The following ALDH18A1 variants were observed in gnomAD, a reference collection of about 807,000 sequenced individuals.
ALDH18A1 encodes delta-1-pyrroline-5-carboxylate synthase.
ALDH18A1 carries 44 observed loss-of-function variants against 88.8 expected under a neutral mutation model. The ratio of observed to expected loss-of-function variants is 0.50; its 90% CI spans 0.39 to 0.64. The LOEUF is 0.64. Ranked by LOEUF, ALDH18A1 falls within the 30% of genes least tolerant of loss-of-function variation. The pLI, the probability that ALDH18A1 is intolerant of heterozygous loss-of-function variation, is 0.00. For synonymous variants in ALDH18A1, 331 were observed against 372.1 expected (o/e 0.89, Z 1.27); for missense variants, 782 against 1,009.5 (o/e 0.77, Z 3.05).
At position 95,628,369 on chromosome 10, in the gene ALDH18A1, T is replaced by C. The variant is rs2097863291; in HGVS notation, c.932A>G (p.Lys311Arg). 1 of 1,614,174 alleles carries C rather than the reference T, an allele frequency of 6.2e-7. No homozygotes were observed. Among genetic ancestry groups the C allele is most frequent in the East Asian group, 2.2e-5 (1 of 44,892 alleles). The stretch of plus-strand genomic sequence containing the variant: ...GCAGTTAAGGCACCAGATTCTTACC[T>C]TGGCTTCCATGCCACCCATTCCCAC... ...SRVGMGGMEAKVKAALWALQG... is the reference protein window; with the variant it reads ...SRVGMGGMEARVKAALWALQG... The change falls in exon 8 of 18, where the codon AAG (lysine) becomes AGG (arginine). Residue 311 changes from lysine to arginine, a missense_variant and splice_region_variant. Physicochemically the swap from Lys to Arg is conservative, Grantham distance 26. Coordinates refer to ENST00000371224, the MANE Select transcript of ALDH18A1 (RefSeq NM_002860.4).
chr10:95,639,678 A>AT (rs542767889), intron 3 of ALDH18A1, among the ~76,000 whole-genome samples: 11 of 150,878 alleles, frequency 7.3e-5, no homozygotes, highest in South Asian at 4.2e-4. Context: ...TATTTTTCCA[A>AT]TTTTTTTTTA....
chr10:95,612,090 A>G (rs1483047528), intron 15 of ALDH18A1, among the ~76,000 whole-genome samples: 1 of 152,234 alleles, frequency 6.6e-6, no homozygotes, highest in Non-Finnish European at 1.5e-5. Flanking sequence ...CAGTTCCTGC[A>G]TATGGTACCT....
rs2097823230 is a variant in ALDH18A1 at position 95,606,633 on chromosome 10, G to A, written c.*129C>T. 6.2e-7 allele frequency: 1 copy of A among 1,602,024 alleles called. No individual in the cohort carries two copies. Among genetic ancestry groups the A allele is most frequent in the Non-Finnish European group, 8.5e-7 (1 of 1,176,582 alleles). The stretch of plus-strand genomic sequence containing the variant: ...TGCTATTGCCAAACGGAGCCCAGAA[G>A]CATCCAGGTACACTTTCCAACAGGC... On this transcript the variant is annotated 3_prime_UTR_variant, in exon 18 of 18. Coordinates refer to ENST00000371224, the MANE Select transcript of ALDH18A1 (RefSeq NM_002860.4).
intron 1 of ALDH18A1, among the ~76,000 whole-genome samples, chr10:95,653,693 T>A (rs551508205): frequency 3.9e-4 from 59 of 152,240 alleles, no homozygotes; most frequent in Middle Eastern, 3.4e-3. Flanking sequence ...CTTCCAAATT[T>A]AAAAAAAATC....
chr10:95,635,059 C>A (rs1356635001), intron 5 of ALDH18A1, among the ~76,000 whole-genome samples: 14 of 152,118 alleles, frequency 9.2e-5, no homozygotes. Flanking sequence ...AAAAATAATT[C>A]ACTCACTCGA....
chr10:95,640,482 C>T (rs2097889411), intron 3 of ALDH18A1, among the ~76,000 whole-genome samples: 1 of 152,102 alleles, frequency 6.6e-6, no homozygotes, highest in Non-Finnish European at 1.5e-5. Flanking sequence ...GCTAGGATTA[C>T]AGGCAGGTGC....
chr10:95,623,757 G>T (rs1047159680), intron 11 of ALDH18A1, among the ~76,000 whole-genome samples: 2 of 152,192 alleles, frequency 1.3e-5, no homozygotes, highest in East Asian at 3.8e-4. Flanking sequence ...TAGAGATGAG[G>T]TTTCTCCATG....
intron 10 of ALDH18A1, among the ~76,000 whole-genome samples, chr10:95,625,816 TAGG>T (rs1230816215): frequency 3.3e-5 from 5 of 151,898 alleles, no homozygotes; most frequent in African/African-American, 9.7e-5. Flanking sequence ...GTATAATCTG[TAGG>T]AGATTATGTA....
chr10:95,614,627 T>C (rs1016796902), intron 13 of ALDH18A1, among the ~76,000 whole-genome samples: 2 of 152,210 alleles, frequency 1.3e-5, no homozygotes, highest in South Asian at 4.1e-4. Context: ...TTGGTCTTGC[T>C]AGGGAGTCAT....
intron 2 of ALDH18A1, among the ~76,000 whole-genome samples, chr10:95,650,248 A>T (rs1252661766): frequency 6.6e-6 from 1 of 152,210 alleles, no homozygotes; most frequent in African/African-American, 2.4e-5. Flanking sequence ...CAAAAGAAAA[A>T]CTTTTCCTAT....
intron 3 of ALDH18A1, among the ~76,000 whole-genome samples, chr10:95,638,644 G>T (rs2097885654): frequency 2.0e-5 from 3 of 152,098 alleles, no homozygotes; most frequent in Non-Finnish European, 4.4e-5. Flanking sequence ...CCTATGGGTT[G>T]CCTCTGCCTA....
At chr10:95,607,009 C>T in intron 17 of ALDH18A1, 66 bp from the exon 18 acceptor site, 1 of 1,521,986 alleles carries the variant, frequency 6.6e-7, no homozygotes, top group South Asian at 1.1e-5. Context: ...ATGCCCCAGA[C>T]CCACCCTGCT....
chr10:95,610,401 G>A, intron 16 of ALDH18A1, 109 bp from the exon 17 acceptor site: 1 of 941,002 alleles, frequency 1.1e-6, no homozygotes, highest in Non-Finnish European at 1.7e-6. Context: ...CCCCACTGGG[G>A]CCTCTCCATG....
chr10:95,627,734 C>G, intron 8 of ALDH18A1, 148 bp from the exon 9 acceptor site: 3 of 1,038,158 alleles, frequency 2.9e-6, no homozygotes, highest in Non-Finnish European at 4.3e-6. Flanking sequence ...GCTCTGAAAA[C>G]ACATAACAGT....
chr10:95,644,895 G>T (rs1461757087), intron 2 of ALDH18A1, among the ~76,000 whole-genome samples: 1 of 152,206 alleles, frequency 6.6e-6, no homozygotes, highest in African/African-American at 2.4e-5. Flanking sequence ...AACGAGCAGG[G>T]ATCCCTGATG....
At chr10:95,625,242 G>T in intron 11 of ALDH18A1, 120 bp downstream of exon 11, 2 of 889,696 alleles carry the variant, frequency 2.2e-6, no homozygotes, top group Non-Finnish European at 3.8e-6. Flanking sequence ...GATACATAAT[G>T]TACAATTTCT....
Position 95,606,846 on chromosome 10 carries a change from G to T in ALDH18A1, c.2304C>A (p.Asp768Glu), listed in dbSNP as rs758671182. 5.0e-6 allele frequency: 8 copies of T among 1,614,200 alleles called. No homozygotes were observed. In the South Asian group the frequency reaches 6.6e-5, roughly 13 times the overall value. Residue 768 changes from aspartate to glutamate, a missense_variant, in exon 18 of 18, where the codon GAC becomes GAA. Around this residue, in one of 3 missense-constraint regions of ALDH18A1, gnomAD observed 556 missense variants for 654.5 expected, o/e 0.85. Transcript: ENST00000371224. Reference protein sequence around the residue: ...LTTKWLLRGKDHVVSDFSEHG... With the variant: ...LTTKWLLRGKEHVVSDFSEHG... ...GCTCTGAGAAATCTGAGACCACGTG[G>T]TCCTTCCCTCGCAGCAGCCACTTAG... is the stretch of plus-strand genomic sequence containing the variant.
At chr10:95,645,881 C>T (rs2097900545) in intron 2 of ALDH18A1, among the ~76,000 whole-genome samples, 1 of 152,070 alleles carries the variant, frequency 6.6e-6, no homozygotes, top group South Asian at 2.1e-4. Context: ...GTGCTACTTT[C>T]CTTCATTGGG....
chr10:95,615,089 G>A (rs989697526), intron 13 of ALDH18A1, among the ~76,000 whole-genome samples: 66 of 152,288 alleles, frequency 4.3e-4, no homozygotes, highest in African/African-American at 1.5e-3. Flanking sequence ...TTGGGAGGCT[G>A]AGGCAGGCAG....
Sources: gnomAD v4.1 joint callset for allele counts (sites outside exome capture counted in the v4.1 genomes callset) on GRCh38, gnomAD v4.1.1 for gene constraint, gnomAD v4.1.1 regional missense constraint, MANE v1.5 for transcripts, NCBI Gene and HGNC (gene_info 2026-07-23, HGNC 2026-07-21) for gene names.